The following PCDH19 variants were observed in gnomAD, a reference collection of about 807,000 sequenced individuals.
The protein encoded by PCDH19 is protocadherin 19.
PCDH19 carries 6 observed loss-of-function variants against 46.2 expected under a neutral mutation model. The ratio of observed to expected loss-of-function variants is 0.13; its 90% confidence interval spans 0.07 to 0.26. The LOEUF is 0.26. PCDH19 is among the 10% of genes least tolerant of loss of function. The probability of loss-of-function intolerance (pLI) is 1.00; values close to 1 mark genes in which losing one functional copy is unlikely to be tolerated. For synonymous variants in PCDH19, 481 were observed against 415.7 expected (o/e 1.16, Z -1.91); for missense variants, 740 against 972.3 (o/e 0.76, Z 3.18).
intron 3 of PCDH19, among the ~76,000 whole-genome samples, chrX:100,381,644 G>A (rs886849864): frequency 1.8e-5 from 2 of 111,769 alleles, no homozygotes; most frequent in South Asian, 3.7e-4. Context: ...TTAAATTACC[G>A]TAGGCCTGAA....
Position 100,409,454 on chromosome X carries a change from G to A in PCDH19, c.-857C>T, listed in dbSNP as rs1214868346. ...AGTTCCCCCCACAGAGCAGTTGAGG[G>A]TCTGCGGGCGTTTTCGTCTAGGAAA... is the stretch of plus-strand genomic sequence containing the variant. On this transcript the variant is annotated 5_prime_UTR_variant, in exon 1 of 6. Transcript: ENST00000373034. 1 of 117,156 alleles carries A rather than the reference G, an allele frequency of 8.5e-6. No individual in the cohort carries two copies. Among genetic ancestry groups the A allele is most frequent in the African/African-American group, 3.2e-5 (1 of 30,985 alleles). The allele number at this position is 117,156 out of a possible 1,213,427, so 9.7% of individuals were successfully genotyped here.
rs139944622 is a variant in PCDH19, at chrX:100,304,980, A to G, written c.2849-8105T>C. Among the ~76,000 whole-genome samples the G allele has an allele frequency of 3.7e-3, 415 of 112,524 alleles. 2 individuals carry two copies. The highest frequency in any genetic ancestry group is 4.2e-3 in the Non-Finnish European group (226 of 53,227). On this transcript the variant is annotated intron_variant, in intron 5 of 5. Coordinates refer to ENST00000373034, the MANE Select transcript of PCDH19 (RefSeq NM_001184880.2). ...TGTTCCCAAGGAAGAAGAGAAATCT[A>G]AAAGGTTGGAAAACACATCTGAGGG...
In PCDH19 at chrX:100,338,720, T is replaced by C. The variant is rs192924612; in HGVS notation, c.2848+3183A>G. Among the ~76,000 whole-genome samples, 15 of 111,041 alleles carry C rather than the reference T, an allele frequency of 1.4e-4. No individual in the cohort carries two copies. The East Asian group carries it at 4.2e-3, about 31-fold the overall frequency. On this transcript the variant is annotated intron_variant, in intron 5 of 5. Coordinates refer to ENST00000373034, the MANE Select transcript of PCDH19 (RefSeq NM_001184880.2). ...CCCTTGTCATTCACACCGATCATTC[T>C]TCTGCTACAATAAAATCTTAAGGAC... is the stretch of plus-strand genomic sequence containing the variant.
intron 5 of PCDH19, among the ~76,000 whole-genome samples, chrX:100,333,162 GAA>G (rs1569294622): frequency 0.037 from 1,712 of 45,932 alleles, 64 homozygotes; most frequent in South Asian, 0.06. Flanking sequence ...AGGAAGGAAG[GAA>G]GGAAGGAAGG....
intron 5 of PCDH19, among the ~76,000 whole-genome samples, chrX:100,320,609 T>C (rs917631543): frequency 4.5e-5 from 5 of 111,193 alleles, no homozygotes; most frequent in African/African-American, 1.6e-4. Context: ...CTTGAATGAC[T>C]GGGCCTTAGC....
chrX:100,322,865 A>ATATATTTT, intron 5 of PCDH19, among the ~76,000 whole-genome samples: 81 of 54,408 alleles, frequency 1.5e-3, no homozygotes, highest in African/African-American at 4.6e-3. Flanking sequence ...ATATATATAT[A>ATATATTTT]TTTTTGCAGC....
intron 4 of PCDH19, among the ~76,000 whole-genome samples, chrX:100,346,964 CAGGA>C (rs1441936348): frequency 1.8e-5 from 2 of 110,627 alleles, no homozygotes; most frequent in Admixed American, 1.9e-4. Flanking sequence ...ACAAACAGAG[CAGGA>C]AGGAAGTCCA....
At chrX:100,405,197 T>G (rs1602634341) in intron 1 of PCDH19, among the ~76,000 whole-genome samples, 1 of 112,359 alleles carries the variant, frequency 8.9e-6, no homozygotes. Flanking sequence ...AAACTGAACC[T>G]ACAGGAACAT....
chrX:100,302,212 A>G (rs1161802910), intron 5 of PCDH19, among the ~76,000 whole-genome samples: 2 of 112,020 alleles, frequency 1.8e-5, no homozygotes, highest in Non-Finnish European at 3.8e-5. Flanking sequence ...ACCAAACTTG[A>G]ACTTCTTTAA....
intron 5 of PCDH19, among the ~76,000 whole-genome samples, chrX:100,330,093 T>A (rs1426573951): frequency 8.9e-6 from 1 of 111,986 alleles, no homozygotes; most frequent in Non-Finnish European, 1.9e-5. Flanking sequence ...TTTTTTTCAA[T>A]AAGCTGATTT....
chrX:100,400,983 TG>T, intron 3 of PCDH19, among the ~76,000 whole-genome samples: 1 of 111,684 alleles, frequency 9.0e-6, no homozygotes, highest in Middle Eastern at 4.7e-3. Context: ...TGACCAGCTT[TG>T]TGAGTCTGAG....
intron 4 of PCDH19, among the ~76,000 whole-genome samples, chrX:100,346,653 T>C (rs1388852769): frequency 8.9e-6 from 1 of 112,572 alleles, no homozygotes; most frequent in African/African-American, 3.2e-5. Context: ...GCATTTATTA[T>C]ATACAAGGCA....
chrX:100,401,471 G>A (rs1357774443), intron 3 of PCDH19, among the ~76,000 whole-genome samples: 1 of 111,274 alleles, frequency 9.0e-6, no homozygotes, highest in Non-Finnish European at 1.9e-5. Context: ...TGACCAACAT[G>A]GTGAAACCCC....
At chrX:100,382,735 C>T (rs1397415280) in intron 3 of PCDH19, among the ~76,000 whole-genome samples, 2 of 111,657 alleles carry the variant, frequency 1.8e-5, no homozygotes, top group Admixed American at 1.9e-4. Flanking sequence ...AATTGATATC[C>T]ACTGACTCTG....
At chrX:100,402,410 A>G (rs1488698734) in intron 3 of PCDH19, 114 bp downstream of exon 3, 2 of 656,859 alleles carry the variant, frequency 3.0e-6, no homozygotes, top group Non-Finnish European at 4.8e-6. Flanking sequence ...ATAAGCAGAG[A>G]AATTCTCCCC....
chrX:100,386,648 T>C (rs770016282), intron 3 of PCDH19, among the ~76,000 whole-genome samples: 2 of 111,732 alleles, frequency 1.8e-5, no homozygotes, highest in East Asian at 5.6e-4. Context: ...GAATCTTAAG[T>C]TGCTCCATAA....
chrX:100,409,709 T>TCCG lies in PCDH19; in HGVS notation c.-1115_-1113dup, dbSNP rs59564734. 3,300 of 243,492 alleles carry TCCG rather than the reference T, an allele frequency of 0.014. 33 individuals are homozygous for TCCG. Among genetic ancestry groups the TCCG allele is most frequent in the Non-Finnish European group, 0.017 (2,350 of 136,678 alleles). 20.1% of individuals were successfully genotyped at this position (243,492 alleles called of 1,213,427 possible). A position where few individuals can be genotyped will look rare whatever the true frequency, so the allele number is the denominator to read the frequency against. On this transcript the variant is annotated 5_prime_UTR_variant, in exon 1 of 6. Coordinates refer to ENST00000373034, the MANE Select transcript of PCDH19 (RefSeq NM_001184880.2). ...TTTGGGCTGGGGTGTCGCTCCAAGG[T>TCCG]CCGCCGCCGCCGCCGCCGCCGCCGC... is the stretch of plus-strand genomic sequence containing the variant.
intron 3 of PCDH19, among the ~76,000 whole-genome samples, chrX:100,385,390 T>C (rs760784604): frequency 2.1e-4 from 23 of 111,145 alleles, no homozygotes; most frequent in South Asian, 7.6e-4. Flanking sequence ...CAATTTCACT[T>C]GTAGAGAACT....
chrX:100,383,732 C>G (rs919850120), intron 3 of PCDH19, among the ~76,000 whole-genome samples: 10 of 111,989 alleles, frequency 8.9e-5, no homozygotes, highest in Non-Finnish European at 1.9e-4. Flanking sequence ...AACATGACTC[C>G]AAAGTTCATC....
Sources: allele counts gnomAD v4.1 joint callset (sites outside exome capture counted in the v4.1 genomes callset), GRCh38; gene constraint gnomAD v4.1.1; transcripts MANE v1.5; gene names NCBI Gene and HGNC (gene_info 2026-07-23, HGNC 2026-07-21).